PPP2R3A: variants seen among roughly 807,000 people sequenced by gnomAD.
PPP2R3A encodes the protein serine/threonine-protein phosphatase 2A regulatory subunit B'' subunit alpha.
In PPP2R3A, 80 loss-of-function variants were observed where a neutral mutation model predicts 106.9. The ratio of observed to expected loss-of-function variants is 0.75; its 90% CI spans 0.62 to 0.90. The LOEUF (loss-of-function observed/expected upper bound fraction) is 0.90, where lower values mean the gene tolerates loss of function less well. Among genes scored for constraint, PPP2R3A ranks in the 40% least tolerant of loss-of-function variants. PPP2R3A has a pLI of 0.00. For missense variants in PPP2R3A, 1,386 were observed against 1,350.4 expected, an observed-to-expected ratio of 1.03 and a Z score of -0.41; for synonymous variants, 483 against 468.3, an observed-to-expected ratio of 1.03 and a Z score of -0.41.
At chr3:136,107,635 T>C (rs1266141746) in intron 13 of PPP2R3A, among the ~76,000 whole-genome samples, 1 of 152,116 alleles carries the variant, frequency 6.6e-6, no homozygotes, top group East Asian at 1.9e-4. Flanking sequence ...TTAAATATTA[T>C]CTTTTTTGAG....
At chr3:136,054,163 A>G (rs1466672676) in intron 5 of PPP2R3A, among the ~76,000 whole-genome samples, 1 of 152,000 alleles carries the variant, frequency 6.6e-6, no homozygotes, top group Non-Finnish European at 1.5e-5. Flanking sequence ...TAAAAATGTG[A>G]ATTATATAAT....
chr3:136,103,408 G>A, intron 12 of PPP2R3A, 32 bp downstream of exon 12: 2 of 1,467,464 alleles, frequency 1.4e-6, no homozygotes, highest in African/African-American at 1.4e-5. Flanking sequence ...TTATTTGAGG[G>A]CTGCAGTGTC....
intron 1 of PPP2R3A, among the ~76,000 whole-genome samples, chr3:135,977,688 C>CTTTTTTTTTTTTTTT (rs66592538): frequency 1.6e-5 from 1 of 61,124 alleles, no homozygotes; most frequent in African/African-American, 7.0e-5. Flanking sequence ...GATCAGCATT[C>CTTTTTTTTTTTTTTT]TTTTTTTTTT....
At chr3:136,071,920 C>T (rs1476002878) in intron 6 of PPP2R3A, among the ~76,000 whole-genome samples, 2 of 152,102 alleles carry the variant, frequency 1.3e-5, no homozygotes, top group Non-Finnish European at 2.9e-5. Flanking sequence ...TTGTCACTCC[C>T]TCACTTCATC....
At chr3:136,071,666 ACTC>A (rs1936433667) in intron 6 of PPP2R3A, among the ~76,000 whole-genome samples, 1 of 151,880 alleles carries the variant, frequency 6.6e-6, no homozygotes, top group African/African-American at 2.4e-5. Flanking sequence ...AGATCATGTC[ACTC>A]CTCTGCTCAA....
rs748905225 is a variant in PPP2R3A at position 136,002,255 on chromosome 3, T to C, written c.757T>C (p.Cys253Arg). ...AAAATGCACAGACATCATAAAACAA[T>C]GCATAAAGAAAAAATCAGGGAGTAG... is the stretch of plus-strand genomic sequence containing the variant. ...LKKCTDIIKQCIKKKSGSSIS... is the reference protein window; with the variant it reads ...LKKCTDIIKQRIKKKSGSSIS... The change falls in exon 2 of 14, where the codon TGC (cysteine) becomes CGC (arginine). Residue 253 changes from cysteine to arginine, a missense_variant. Cys to Arg is a radical substitution (Grantham distance 180). Coordinates refer to ENST00000264977, the MANE Select transcript of PPP2R3A (RefSeq NM_002718.5). The C allele has an allele frequency of 8.7e-6, 14 of 1,613,674 alleles. No homozygotes were observed. Among genetic ancestry groups the C allele is most frequent in the Middle Eastern group, 1.6e-4 (1 of 6,082 alleles).
intron 5 of PPP2R3A, among the ~76,000 whole-genome samples, chr3:136,067,602 A>G (rs1423241779): frequency 6.6e-6 from 1 of 152,242 alleles, no homozygotes; most frequent in African/African-American, 2.4e-5. Flanking sequence ...AACAATCCTC[A>G]GAGATCTTCA....
intron 2 of PPP2R3A, among the ~76,000 whole-genome samples, chr3:136,018,503 G>A (rs1934353334): frequency 6.6e-6 from 1 of 152,162 alleles, no homozygotes; most frequent in African/African-American, 2.4e-5. Flanking sequence ...GGAAGGGCAA[G>A]GAATAATAAG....
intron 13 of PPP2R3A, among the ~76,000 whole-genome samples, chr3:136,117,762 AC>A (rs2107994677): frequency 6.6e-6 from 1 of 152,322 alleles, no homozygotes; most frequent in Non-Finnish European, 1.5e-5. Flanking sequence ...AATGTCCAGG[AC>A]CAGACAGATT....
At chr3:136,104,760 A>G (rs936019337) in intron 12 of PPP2R3A, among the ~76,000 whole-genome samples, 2 of 152,198 alleles carry the variant, frequency 1.3e-5, no homozygotes, top group African/African-American at 4.8e-5. Context: ...TTAGGAACTT[A>G]ACATTATTCT....
intron 5 of PPP2R3A, among the ~76,000 whole-genome samples, chr3:136,067,893 T>G (rs182028979): frequency 1.6e-4 from 24 of 152,312 alleles, no homozygotes; most frequent in Admixed American, 1.3e-3. Flanking sequence ...GGTCATCTTA[T>G]GCCAGAAAAT....
At chr3:136,063,407 C>G (rs563624295) in intron 5 of PPP2R3A, among the ~76,000 whole-genome samples, 107 of 152,234 alleles carry the variant, frequency 7.0e-4, no homozygotes, top group African/African-American at 2.6e-3. Flanking sequence ...GCAACAAAAG[C>G]CAAAATTGAC....
At chr3:136,016,446 A>G (rs1367968804) in intron 2 of PPP2R3A, among the ~76,000 whole-genome samples, 1 of 152,046 alleles carries the variant, frequency 6.6e-6, no homozygotes, top group Non-Finnish European at 1.5e-5. Flanking sequence ...TTGTGTTGCT[A>G]TCTGTCTCCT....
chr3:136,029,303 A>G (rs1934781003), intron 3 of PPP2R3A, among the ~76,000 whole-genome samples: 1 of 152,008 alleles, frequency 6.6e-6, no homozygotes, highest in Non-Finnish European at 1.5e-5. Context: ...AATATTCCCA[A>G]CTGCTGACTG....
chr3:136,008,176 C>A (rs906663385), intron 2 of PPP2R3A, among the ~76,000 whole-genome samples: 6 of 152,170 alleles, frequency 3.9e-5, no homozygotes, highest in African/African-American at 1.2e-4. Context: ...CCTTAATAAA[C>A]ACTTTTCTCT....
chr3:136,030,226 G>T, intron 3 of PPP2R3A, among the ~76,000 whole-genome samples: 1 of 124,150 alleles, frequency 8.1e-6, no homozygotes, highest in Non-Finnish European at 1.6e-5. Flanking sequence ...TCAATAAAAA[G>T]TTGGGGCGGG....
intron 13 of PPP2R3A, among the ~76,000 whole-genome samples, chr3:136,119,835 T>C (rs954457601): frequency 6.6e-6 from 1 of 152,234 alleles, no homozygotes; most frequent in African/African-American, 2.4e-5. Context: ...AAATACCGTT[T>C]GACCCAGCAA....
chr3:136,055,506 T>C (rs1935830890), intron 5 of PPP2R3A: 2 of 1,195,514 alleles, frequency 1.7e-6, no homozygotes, highest in Admixed American at 1.7e-5. Context: ...GTTTGGAGAT[T>C]ACAGGTTCTA....
chr3:136,072,473 T>A (rs1553751988), intron 6 of PPP2R3A, among the ~76,000 whole-genome samples: 2 of 152,092 alleles, frequency 1.3e-5, no homozygotes, highest in Non-Finnish European at 1.5e-5. Flanking sequence ...ACACCTGTAG[T>A]CCCAGCTACT....
Sources: gnomAD v4.1 joint callset for allele counts (sites outside exome capture counted in the v4.1 genomes callset) on GRCh38, gnomAD v4.1.1 for gene constraint, MANE v1.5 for transcripts, NCBI Gene and HGNC (gene_info 2026-07-23, HGNC 2026-07-21) for gene names.